ADAMTSL1: variants seen among roughly 807,000 people sequenced by gnomAD.
ADAMTSL1 encodes ADAMTS-like protein 1.
In ADAMTSL1, 126 loss-of-function variants were observed where a neutral mutation model predicts 201.8. The observed-to-expected ratio is 0.62, with a 90% CI of 0.54 to 0.72. The LOEUF is 0.72. Ranked by LOEUF, ADAMTSL1 falls within the 30% of genes least tolerant of loss-of-function variation. The probability of loss-of-function intolerance (pLI) is 0.00; values close to 1 mark genes in which losing one functional copy is unlikely to be tolerated. For synonymous variants in ADAMTSL1, 1,121 were observed against 903.4 expected, an observed-to-expected ratio of 1.24 and a Z score of -4.32; for missense variants, 2,679 against 2,277.8, an observed-to-expected ratio of 1.18 and a Z score of -3.59.
intron 2 of ADAMTSL1, among the ~76,000 whole-genome samples, chr9:18,315,041 C>T (rs1834321610): frequency 6.6e-6 from 1 of 151,742 alleles, no homozygotes; most frequent in South Asian, 2.1e-4. Context: ...CGTGATCCGC[C>T]CGCCTCGGCC....
intron 1 of ADAMTSL1, among the ~76,000 whole-genome samples, chr9:17,977,616 T>C (rs1422826269): frequency 6.6e-6 from 1 of 152,080 alleles, no homozygotes; most frequent in Non-Finnish European, 1.5e-5. Flanking sequence ...TGATTGATTC[T>C]TTGTATTTTT....
rs192906730 is a variant in ADAMTSL1 at position 18,131,565 on chromosome 9, T to C, written c.88-32297T>C. Among the ~76,000 whole-genome samples, 431 of 152,276 alleles carry C rather than the reference T, an allele frequency of 2.8e-3. 1 individual carries two copies. Among genetic ancestry groups the C allele is most frequent in the African/African-American group, 1.0e-2 (415 of 41,572 alleles). On this transcript the variant is annotated intron_variant, in intron 1 of 29. Coordinates refer to the ADAMTSL1 transcript ENST00000680146. ...AGATTTCACTTTGAGCTTCCAAGAT[T>C]ACTCTCTTCTTGACATTTTCTCTCC...
At position 18,574,276 on chromosome 9, in the gene ADAMTSL1, G is replaced by C. The variant is rs961066885; in HGVS notation, c.474+10G>C. 6.2e-7 allele frequency: 1 copy of C among 1,608,658 alleles called. No homozygotes were observed. The highest frequency in any genetic ancestry group is 1.3e-5 in the African/African-American group (1 of 74,910). ...CAGTGGTTTATGCCAAGTAAGTGCT[G>C]ATTTGTTCTCATTCAACTTGTCCAG... On this transcript the variant is annotated intron_variant, in intron 4 of 28. Coordinates refer to ENST00000380548, the MANE Select transcript of ADAMTSL1 (RefSeq NM_001040272.6).
At chr9:18,365,547 G>C (rs1011643753) in intron 2 of ADAMTSL1, among the ~76,000 whole-genome samples, 8 of 151,992 alleles carry the variant, frequency 5.3e-5, no homozygotes, top group African/African-American at 1.9e-4. Context: ...ATATTCTTTG[G>C]ATATATGGCA....
chr9:18,535,273 G>A (rs1183233738), intron 3 of ADAMTSL1, among the ~76,000 whole-genome samples: 1 of 152,174 alleles, frequency 6.6e-6, no homozygotes, highest in Non-Finnish European at 1.5e-5. Flanking sequence ...ATAAACAAGA[G>A]TCACCTTTGC....
At chr9:18,846,468 G>C (rs7042803) in intron 23 of ADAMTSL1, among the ~76,000 whole-genome samples, 87,177 of 151,950 alleles carry the variant, frequency 0.57, 25,904 homozygotes, top group African/African-American at 0.74. Context: ...AACCTTTTTG[G>C]TCAGAGGTAA....
chr9:18,376,641 CT>C (rs1172679296), intron 2 of ADAMTSL1, among the ~76,000 whole-genome samples: 1 of 119,370 alleles, frequency 8.4e-6, no homozygotes, highest in African/African-American at 2.7e-5. Context: ...CCCATCTCTA[CT>C]AAAAAATACA....
intron 2 of ADAMTSL1, among the ~76,000 whole-genome samples, chr9:18,317,924 C>T (rs1834469632): frequency 2.0e-5 from 3 of 152,220 alleles, no homozygotes; most frequent in Admixed American, 2.0e-4. Context: ...GTAAGCAGAA[C>T]TGTTTTGTTT....
intron 1 of ADAMTSL1, among the ~76,000 whole-genome samples, chr9:17,982,695 C>T (rs941518766): frequency 6.6e-6 from 1 of 152,214 alleles, no homozygotes; most frequent in South Asian, 2.1e-4. Context: ...ATCACAGGCT[C>T]AGTTTAAATG....
chr9:18,566,127 T>A (rs1336124679), intron 3 of ADAMTSL1, among the ~76,000 whole-genome samples: 1 of 152,230 alleles, frequency 6.6e-6, no homozygotes, highest in Non-Finnish European at 1.5e-5. Context: ...AGTATTCTTG[T>A]AAATTTATTC....
chr9:18,248,809 C>T (rs763807205), intron 2 of ADAMTSL1, among the ~76,000 whole-genome samples: 1 of 152,142 alleles, frequency 6.6e-6, no homozygotes, highest in Non-Finnish European at 1.5e-5. Context: ...CTCTCTCTCT[C>T]ACTGAAAACA....
chr9:17,994,090 TTGTGTGTGTGTG>T (rs367861504), intron 1 of ADAMTSL1, among the ~76,000 whole-genome samples: 14 of 142,086 alleles, frequency 9.9e-5, no homozygotes, highest in African/African-American at 2.6e-4. Flanking sequence ...CAGAATCTCA[TTGTGTGTGTGTG>T]TGTGTGTGTG....
chr9:18,364,681 T>G (rs1389191002), intron 2 of ADAMTSL1, among the ~76,000 whole-genome samples: 2 of 152,052 alleles, frequency 1.3e-5, no homozygotes, highest in Non-Finnish European at 2.9e-5. Flanking sequence ...ACTGGGTAAT[T>G]TATAAAGAAA....
intron 2 of ADAMTSL1, among the ~76,000 whole-genome samples, chr9:18,343,189 A>G (rs1012495139): frequency 6.6e-6 from 1 of 152,014 alleles, no homozygotes; most frequent in Non-Finnish European, 1.5e-5. Flanking sequence ...TCCTTAACAT[A>G]TACATCAACT....
chr9:18,680,065 C>A (rs1245066042), intron 10 of ADAMTSL1, among the ~76,000 whole-genome samples: 1 of 152,176 alleles, frequency 6.6e-6, no homozygotes, highest in Non-Finnish European at 1.5e-5. Context: ...TCTTTGTGGA[C>A]AGCTCTCAAA....
intron 20 of ADAMTSL1, among the ~76,000 whole-genome samples, chr9:18,799,287 C>A (rs1822626781): frequency 6.6e-6 from 1 of 152,128 alleles, no homozygotes; most frequent in Non-Finnish European, 1.5e-5. Flanking sequence ...ATAAACAGGG[C>A]TAGGTAAAGG....
chr9:18,546,681 T>C (rs768930202), intron 3 of ADAMTSL1, among the ~76,000 whole-genome samples: 8 of 152,200 alleles, frequency 5.3e-5, no homozygotes, highest in South Asian at 2.1e-4. Context: ...TGAATTGTTA[T>C]AGATATTGGA....
intron 2 of ADAMTSL1, among the ~76,000 whole-genome samples, chr9:18,243,026 T>G (rs368104302): frequency 1.3e-3 from 193 of 152,200 alleles, no homozygotes; most frequent in Middle Eastern, 6.8e-3. Flanking sequence ...AGACCCTGAA[T>G]AGCCAAAATG....
chr9:18,397,684 C>A (rs1337103780), intron 2 of ADAMTSL1, among the ~76,000 whole-genome samples: 1 of 152,084 alleles, frequency 6.6e-6, no homozygotes, highest in Admixed American at 6.6e-5. Flanking sequence ...ATAGGACATA[C>A]CACAATTTCA....
Sources: allele counts gnomAD v4.1 joint callset (sites outside exome capture counted in the v4.1 genomes callset), GRCh38; gene constraint gnomAD v4.1.1; transcripts MANE v1.5; gene names NCBI Gene and HGNC (gene_info 2026-07-23, HGNC 2026-07-21).